Variants in KIAA0825 observed in about 807,000 individuals in gnomAD.
The protein encoded by KIAA0825 is uncharacterized protein KIAA0825.
A neutral mutation model predicts 147.6 loss-of-function variants in KIAA0825; 119 were observed. The ratio of observed to expected loss-of-function variants is 0.81; its 90% CI spans 0.69 to 0.94. KIAA0825 has a LOEUF of 0.94. Ranked by LOEUF, KIAA0825 falls within the 40% of genes least tolerant of loss-of-function variation. The pLI is 0.00. For missense variants in KIAA0825, 1,381 were observed against 1,472.7 expected, an observed-to-expected ratio of 0.94 and a Z score of 1.02; for synonymous variants, 470 against 518.1, an observed-to-expected ratio of 0.91 and a Z score of 1.26.
At position 94,475,700 on chromosome 5, in the gene KIAA0825, T is replaced by C. The variant is rs1761803627; in HGVS notation, c.1227+1411A>G. On this transcript the variant is annotated intron_variant, in intron 7 of 20. Transcript: ENST00000682413. ...GGTGGGCGCCTGTAATCCCAGCTAC[T>C]TGGGAGGCTGAGACAAGAGAATCGC... is the stretch of plus-strand genomic sequence containing the variant. Among the ~76,000 whole-genome samples, 6 of 152,010 alleles carry C rather than the reference T, an allele frequency of 3.9e-5. No homozygotes were observed. The South Asian group carries it at 1.0e-3, about 26-fold the overall frequency.
At chr5:94,565,977 C>T (rs1223291754) in intron 2 of KIAA0825, among the ~76,000 whole-genome samples, 1 of 152,154 alleles carries the variant, frequency 6.6e-6, no homozygotes, top group Non-Finnish European at 1.5e-5. Context: ...CTGTCTGCTT[C>T]TATCAGTTCA....
intron 5 of KIAA0825, among the ~76,000 whole-genome samples, chr5:94,496,769 G>A (rs1267744150): frequency 1.3e-5 from 2 of 152,188 alleles, no homozygotes; most frequent in African/African-American, 4.8e-5. Flanking sequence ...AGACTGTACA[G>A]GGGATTGAGG....
intron 20 of KIAA0825, among the ~76,000 whole-genome samples, chr5:94,366,052 A>G (rs1745807486): frequency 1.3e-5 from 2 of 152,028 alleles, no homozygotes; most frequent in Non-Finnish European, 2.9e-5. Context: ...TCAACTCCCC[A>G]TGATTTCATC....
intron 12 of KIAA0825, among the ~76,000 whole-genome samples, chr5:94,457,061 G>T: frequency 6.6e-6 from 1 of 152,160 alleles, no homozygotes. Context: ...AGGTTATTTG[G>T]CTATAAGAGA....
chr5:94,566,340 G>C (rs1778708806), intron 2 of KIAA0825, among the ~76,000 whole-genome samples: 1 of 152,112 alleles, frequency 6.6e-6, no homozygotes, highest in South Asian at 2.1e-4. Flanking sequence ...GGACTTTTTT[G>C]AGATTAAAAA....
chr5:94,257,272 A>C (rs961160342), intron 20 of KIAA0825, among the ~76,000 whole-genome samples: 2 of 152,164 alleles, frequency 1.3e-5, no homozygotes, highest in African/African-American at 4.8e-5. Context: ...TCTTCATTAC[A>C]TGCTTCCAGG....
chr5:94,338,463 T>C (rs1470026666), intron 20 of KIAA0825, among the ~76,000 whole-genome samples: 1 of 152,142 alleles, frequency 6.6e-6, no homozygotes, highest in Non-Finnish European at 1.5e-5. Flanking sequence ...ATACTATATA[T>C]GGTGCCACAT....
At chr5:94,358,135 T>C (rs1399647665) in intron 20 of KIAA0825, among the ~76,000 whole-genome samples, 1 of 152,234 alleles carries the variant, frequency 6.6e-6, no homozygotes, top group Non-Finnish European at 1.5e-5. Context: ...TTTAAAGTCT[T>C]GTTTCAAATT....
intron 20 of KIAA0825, among the ~76,000 whole-genome samples, chr5:94,376,300 A>G (rs978724898): frequency 2.6e-5 from 4 of 152,182 alleles, no homozygotes; most frequent in Admixed American, 1.3e-4. Flanking sequence ...ATACAAAACC[A>G]GAAGACTTCA....
intron 20 of KIAA0825, among the ~76,000 whole-genome samples, chr5:94,170,498 G>C (rs1178293093): frequency 6.6e-6 from 1 of 152,054 alleles, no homozygotes; most frequent in African/African-American, 2.4e-5. Context: ...TTACTCCTGG[G>C]GGAACTAACG....
At chr5:94,325,792 C>G (rs1184564404) in intron 20 of KIAA0825, among the ~76,000 whole-genome samples, 2 of 152,000 alleles carry the variant, frequency 1.3e-5, no homozygotes, top group East Asian at 3.9e-4. Flanking sequence ...CAGCAGGTTA[C>G]TTGTTGAATA....
At chr5:94,600,582 C>G (rs971586700) in intron 1 of KIAA0825, among the ~76,000 whole-genome samples, 4 of 152,232 alleles carry the variant, frequency 2.6e-5, no homozygotes, top group Middle Eastern at 3.4e-3. Context: ...AGTATTACCA[C>G]CATAACTTGA....
At chr5:94,543,960 A>C (rs1047227857) in intron 2 of KIAA0825, among the ~76,000 whole-genome samples, 1 of 152,214 alleles carries the variant, frequency 6.6e-6, no homozygotes, top group Admixed American at 6.5e-5. Flanking sequence ...AGAAATAACC[A>C]TAAAAATGGG....
intron 15 of KIAA0825, among the ~76,000 whole-genome samples, chr5:94,408,515 TTGTG>T (rs3050853): frequency 0.3 from 44,433 of 147,090 alleles, 6,743 homozygotes; most frequent in Middle Eastern, 0.36. Context: ...CTCAGCTAAT[TTGTG>T]TGTGTGTGTG....
chr5:94,554,459 C>T (rs1776146525), intron 2 of KIAA0825, among the ~76,000 whole-genome samples: 1 of 151,900 alleles, frequency 6.6e-6, no homozygotes, highest in Non-Finnish European at 1.5e-5. Context: ...TATGCACCAG[C>T]CTTTTCTTCT....
intron 20 of KIAA0825, among the ~76,000 whole-genome samples, chr5:94,224,329 CA>C (rs1324325306): frequency 2.0e-5 from 3 of 151,822 alleles, no homozygotes; most frequent in Admixed American, 6.6e-5. Flanking sequence ...CTCCTGACCT[CA>C]GGTGATCAGC....
At position 94,222,861 on chromosome 5, in the gene KIAA0825, T is replaced by C. The variant is rs557501469; in HGVS notation, c.3711-68737A>G. ...ATTTTTATTGTATATATTTAAGATA[T>C]ACAATATGATGCTGTGATATACATT... On this transcript the variant is annotated intron_variant, in intron 20 of 20. Coordinates refer to ENST00000682413, the MANE Select transcript of KIAA0825 (RefSeq NM_001145678.3). Among the ~76,000 whole-genome samples the C allele has an allele frequency of 2.8e-4, 42 of 152,348 alleles. 1 individual carries two copies. The South Asian group carries it at 3.1e-3, about 11-fold the overall frequency.
At chr5:94,484,217 T>C (rs940220157) in intron 6 of KIAA0825, among the ~76,000 whole-genome samples, 6 of 151,786 alleles carry the variant, frequency 4.0e-5, no homozygotes, top group African/African-American at 7.2e-5. Flanking sequence ...TTATTGATCG[T>C]TTATGATATA....
intron 14 of KIAA0825, among the ~76,000 whole-genome samples, chr5:94,431,659 AT>A (rs1401042699): frequency 1.3e-5 from 2 of 152,196 alleles, no homozygotes; most frequent in African/African-American, 2.4e-5. Flanking sequence ...TGGTCTAGGC[AT>A]AAAAAAATAA....
Sources: gnomAD v4.1 joint callset for allele counts (sites outside exome capture counted in the v4.1 genomes callset) on GRCh38, gnomAD v4.1.1 for gene constraint, MANE v1.5 for transcripts, NCBI Gene and HGNC (gene_info 2026-07-23, HGNC 2026-07-21) for gene names.